Variants in MIA3 observed in about 807,000 individuals in gnomAD.
The protein encoded by MIA3 is transport and Golgi organization protein 1 homolog.
Under a neutral mutation model 192.4 loss-of-function variants are expected in MIA3, and 90 were observed. That is an observed-to-expected ratio of 0.47 (90% confidence interval 0.39 to 0.56). The LOEUF (loss-of-function observed/expected upper bound fraction) is 0.56. Among genes scored for constraint, MIA3 ranks in the 20% least tolerant of loss-of-function variants. The pLI is 0.00. For missense variants in MIA3, 2,123 were observed against 2,269.4 expected, an observed-to-expected ratio of 0.94 and a Z score of 1.31; for synonymous variants, 740 against 792.8, an observed-to-expected ratio of 0.93 and a Z score of 1.12.
In MIA3 at chr1:222,659,455, G is replaced by A. The variant is rs752312676; in HGVS notation, c.4712G>A (p.Arg1571Gln). 2.2e-5 allele frequency: 35 copies of A among 1,613,284 alleles called. No homozygotes were observed. In the South Asian group the frequency reaches 2.2e-4, roughly 10 times the overall value. The change falls in exon 20 of 28, where the codon CGG becomes CAG. Residue 1571 changes from arginine to glutamine, a missense_variant and splice_region_variant. Arg to Gln is a conservative substitution (Grantham distance 43). This residue lies in a region of MIA3 where 762 missense variants were observed against 856.4 expected (regional missense o/e 0.89). Transcript: ENST00000344922. Reference sequence around the variant, plus strand: ...ATAAAGCCAAGTGTAATTCTTAGGCGGAGAATTGAAGAAATGGAGGATGAA... The same window carrying A: ...ATAAAGCCAAGTGTAATTCTTAGGCAGAGAATTGAAGAAATGGAGGATGAA... Reference protein sequence around the residue: ...SAAEEVKTYKRRIEEMEDELQ... With the variant: ...SAAEEVKTYKQRIEEMEDELQ...
intron 6 of MIA3, chr1:222,641,424 G>T: frequency 2.1e-6 from 1 of 483,728 alleles, no homozygotes; most frequent in South Asian, 1.5e-5. Context: ...TCAGGTCTTA[G>T]CAGTAGCCTG....
chr1:222,645,709 A>G, intron 7 of MIA3, 24 bp downstream of exon 7: 2 of 1,601,826 alleles, frequency 1.2e-6, no homozygotes, highest in Non-Finnish European at 1.7e-6. Context: ...TGCATACTTT[A>G]ACTCATAAAT....
At chr1:222,658,529 A>G (rs1571906838) in intron 18 of MIA3, 193 bp from the exon 19 acceptor site, 2 of 437,406 alleles carry the variant, frequency 4.6e-6, no homozygotes, top group Middle Eastern at 1.3e-3. Context: ...GAGACGTTAG[A>G]AAATGCAGGT....
At chr1:222,618,860 GT>G (rs753273705) in intron 1 of MIA3, among the ~76,000 whole-genome samples, 3 of 152,190 alleles carry the variant, frequency 2.0e-5, no homozygotes, top group African/African-American at 4.8e-5. Context: ...GGAATTGGGA[GT>G]TTAGGTTTGG....
At position 222,630,334 on chromosome 1, in the gene MIA3, A is replaced by G; in HGVS notation, c.3114A>G (p.Thr1038=). ...ACAAGCACTCCACAGCAGAGGAGACAGCCACACTGGTGATGGCACCACCTC... is the reference window on the plus strand; with the variant it reads ...ACAAGCACTCCACAGCAGAGGAGACGGCCACACTGGTGATGGCACCACCTC... ...VRYKHSTAEE[T]ATLVMAPPLE... Residue 1038 remains threonine, a synonymous_variant, in exon 4 of 28, where the codon ACA becomes ACG. Transcript: ENST00000344922. 1.2e-6 allele frequency: 2 copies of G among 1,613,922 alleles called. No homozygotes were observed. The highest frequency in any genetic ancestry group is 1.7e-6 in the Non-Finnish European group (2 of 1,179,916).
rs748055690 is a variant in MIA3 at position 222,621,153 on chromosome 1, A to G, written c.134-6A>G. ...GGCTATTTTTTTTCTCTCTCTTTAT[A>G]TACAGTGTTAATGTACCGCGGTGAG... On this transcript the variant is annotated splice_region_variant and splice_polypyrimidine_tract_variant and intron_variant, in intron 1 of 27. Coordinates refer to ENST00000344922, the MANE Select transcript of MIA3 (RefSeq NM_198551.4). 2.5e-6 allele frequency: 4 copies of G among 1,599,068 alleles called. No homozygotes were observed. The highest frequency in any genetic ancestry group is 2.2e-5 in the East Asian group (1 of 44,802).
intron 6 of MIA3, chr1:222,644,667 T>G: frequency 7.1e-7 from 1 of 1,417,072 alleles, no homozygotes. Flanking sequence ...GTGCACTGAT[T>G]GTCTGTGCAA....
chr1:222,654,129 T>C (rs569383029), intron 15 of MIA3, 114 bp from the exon 16 acceptor site: 8 of 1,009,440 alleles, frequency 7.9e-6, no homozygotes, highest in South Asian at 6.1e-5. Flanking sequence ...CTGTTTTTGT[T>C]TGTTCTTTAA....
rs773491154 is a variant in MIA3 at position 222,629,512 on chromosome 1, A to G, written c.2292A>G (p.Ala764=). The G allele has an allele frequency of 1.3e-5, 21 of 1,613,866 alleles. No homozygotes were observed. Among genetic ancestry groups the G allele is most frequent in the Non-Finnish European group, 1.8e-5 (21 of 1,179,996 alleles). ...FDVNLQVPDR[A]VLGTIHPDPE... ...TTAATCTGCAAGTCCCTGACAGAGC[A>G]GTTTTAGGGACCATTCATCCAGATC... Residue 764 remains alanine (A), a synonymous_variant, in exon 4 of 28, where the codon GCA becomes GCG. Coordinates refer to ENST00000344922, the MANE Select transcript of MIA3 (RefSeq NM_198551.4).
At chr1:222,620,920 CATAGAGAAAA>C (rs1335431148) in intron 1 of MIA3, among the ~76,000 whole-genome samples, 1 of 152,140 alleles carries the variant, frequency 6.6e-6, no homozygotes, top group Non-Finnish European at 1.5e-5. Flanking sequence ...CAGTATTATC[CATAGAGAAAA>C]ATAGAGAAGG....
chr1:222,626,411 C>G lies in MIA3; in HGVS notation c.355-1164C>G, dbSNP rs1662121609. Among the ~76,000 whole-genome samples the G allele has an allele frequency of 2.0e-5, 3 of 152,090 alleles. No homozygotes were observed. The South Asian group carries it at 6.2e-4, about 32-fold the overall frequency. Reference sequence around the variant, plus strand: ...TCCCTTAATATTAAAAAAATTGGCTCAGAAGTGTGCATGATGGAAAGAGGG... The same window carrying G: ...TCCCTTAATATTAAAAAAATTGGCTGAGAAGTGTGCATGATGGAAAGAGGG... On this transcript the variant is annotated intron_variant, in intron 3 of 27. Coordinates refer to ENST00000344922, the MANE Select transcript of MIA3 (RefSeq NM_198551.4).
chr1:222,632,811 G>A (rs761972733), intron 5 of MIA3, among the ~76,000 whole-genome samples: 17 of 151,606 alleles, frequency 1.1e-4, no homozygotes, highest in Non-Finnish European at 2.2e-4. Context: ...TCTTTTTTTT[G>A]ATTTGCTATC....
rs192285260 is a variant in MIA3 at position 222,667,822 on chromosome 1, G to A, written c.*2203G>A. 2 of 147,378 alleles carry A rather than the reference G, an allele frequency of 1.4e-5. No individual in the cohort carries two copies. The highest frequency in any genetic ancestry group is 3.0e-5 in the Non-Finnish European group (2 of 66,900). 9.1% of individuals were successfully genotyped at this position (147,378 alleles called of 1,614,324 possible). A position where few individuals can be genotyped will look rare whatever the true frequency, so the allele number is the denominator to read the frequency against. On this transcript the variant is annotated 3_prime_UTR_variant, in exon 28 of 28. Transcript: ENST00000344922. ...TTGCTAAAATTGTCTTATTTATGAA[G>A]CAGCAATATTCAGCCTGAAAGCATT...
chr1:222,648,781 A>C (rs774220729), intron 7 of MIA3, 48 bp from the exon 8 acceptor site: 4 of 1,027,542 alleles, frequency 3.9e-6, no homozygotes, highest in Middle Eastern at 2.1e-4. Context: ...ATATACATCT[A>C]TTAATAAAAT....
chr1:222,629,344 T>C lies in MIA3; in HGVS notation c.2124T>C (p.Thr708=), dbSNP rs754332344. The change falls in exon 4 of 28, where the codon ACT becomes ACC. Residue 708 remains threonine, a synonymous_variant. Transcript: ENST00000344922. ...CAGAGGTAGGACAGACAGACCAAAC[T>C]GACAGCACAGGAGGACCAGCTTTCC... is the stretch of plus-strand genomic sequence containing the variant. ...QGTEVGQTDQ[T]DSTGGPAFLS... 1 of 1,614,142 alleles carries C rather than the reference T, an allele frequency of 6.2e-7. No homozygotes were observed.
intron 2 of MIA3, among the ~76,000 whole-genome samples, chr1:222,623,799 G>A (rs1159300236): frequency 1.3e-5 from 2 of 152,200 alleles, no homozygotes; most frequent in African/African-American, 4.8e-5. Flanking sequence ...GTAAAAGACT[G>A]TGTGTTTCTC....
intron 1 of MIA3, 133 bp downstream of exon 1, chr1:222,618,376 G>A: frequency 1.1e-6 from 1 of 946,568 alleles, no homozygotes; most frequent in South Asian, 4.3e-5. Context: ...CCGGCCCGGG[G>A]GTCGCAGGCG....
chr1:222,630,207 C>G lies in MIA3; in HGVS notation c.2987C>G (p.Thr996Ser), dbSNP rs1350956121. Reference sequence around the variant, plus strand: ...AGCATAGCAGAAAAAATGCTTGATACTCGTGTGGCTGAAAATAGAGATCTG... The same window carrying G: ...AGCATAGCAGAAAAAATGCTTGATAGTCGTGTGGCTGAAAATAGAGATCTG... ...ILSIAEKMLD[T>S]RVAENRDLGM... The change falls in exon 4 of 28, where the codon ACT (threonine) becomes AGT (serine). Residue 996 changes from threonine (T) to serine (S), a missense_variant. Transcript: ENST00000344922. The G allele has an allele frequency of 2.5e-6, 4 of 1,614,222 alleles. No individual in the cohort carries two copies. In the African/African-American group the frequency reaches 4.0e-5, roughly 16 times the overall value.
chr1:222,645,081 A>T lies in MIA3; in HGVS notation c.3478-473A>T, dbSNP rs187488654. On this transcript the variant is annotated intron_variant, in intron 6 of 27. Transcript: ENST00000344922. ...ATTTGTTCTTTGTTTATGTAAGTCG[A>T]TTTAAGATTTTAAATCTTAGAGGAA... 9.2e-4 allele frequency among the ~76,000 whole-genome samples: 140 copies of T among 152,356 alleles called. 1 individual carries two copies. Among genetic ancestry groups the T allele is most frequent in the African/African-American group, 2.9e-3 (121 of 41,586 alleles).
Sources: allele counts gnomAD v4.1 joint callset (sites outside exome capture counted in the v4.1 genomes callset), GRCh38; gene constraint gnomAD v4.1.1; regional missense constraint gnomAD v4.1.1; transcripts MANE v1.5; gene names NCBI Gene and HGNC (gene_info 2026-07-23, HGNC 2026-07-21).